The following WRN variants were observed in gnomAD, a reference collection of about 807,000 sequenced individuals.
The protein encoded by WRN is WRN RecQ like helicase.
In WRN, 149 loss-of-function variants were observed where a neutral mutation model predicts 180.7. That is an observed-to-expected ratio of 0.82 (90% CI 0.72 to 0.94). The LOEUF (loss-of-function observed/expected upper bound fraction) is 0.94, where lower values mean the gene tolerates loss of function less well. Ranked by LOEUF, WRN falls within the 40% of genes least tolerant of loss-of-function variation. The probability of loss-of-function intolerance (pLI) is 0.00; values close to 1 mark genes in which losing one functional copy is unlikely to be tolerated. For missense variants in WRN, 1,661 were observed against 1,700.1 expected, an observed-to-expected ratio of 0.98 and a Z score of 0.40; for synonymous variants, 548 against 568.9, an observed-to-expected ratio of 0.96 and a Z score of 0.52.
At chr8:31,085,386 C>A in intron 11 of WRN, 140 bp downstream of exon 11, 10 of 928,546 alleles carry the variant, frequency 1.1e-5, no homozygotes, top group Non-Finnish European at 1.6e-5. Flanking sequence ...TCACATTTTC[C>A]AATTCATGTT....
chr8:31,169,532 A>G (rs1563394872), intron 34 of WRN, among the ~76,000 whole-genome samples: 2 of 152,112 alleles, frequency 1.3e-5, no homozygotes, highest in Non-Finnish European at 2.9e-5. Flanking sequence ...TGGAAAGGCT[A>G]CAGTTTTATT....
intron 32 of WRN, among the ~76,000 whole-genome samples, chr8:31,155,833 C>CAA: frequency 6.6e-6 from 1 of 152,248 alleles, no homozygotes; most frequent in South Asian, 2.1e-4. Flanking sequence ...GCCTGCTTTT[C>CAA]TATTGTCTGT....
chr8:31,139,290 A>T (rs1023395971), intron 24 of WRN, among the ~76,000 whole-genome samples: 9 of 152,164 alleles, frequency 5.9e-5, no homozygotes, highest in Non-Finnish European at 1.0e-4. Flanking sequence ...TTAAACCTTC[A>T]TTAGGATATA....
chr8:31,059,035 C>T, intron 2 of WRN, 118 bp from the exon 3 acceptor site: 2 of 813,042 alleles, frequency 2.5e-6, no homozygotes, highest in Non-Finnish European at 4.3e-6. Flanking sequence ...GTTTATAAAA[C>T]ATTAATTGAT....
chr8:31,163,089 GGTGT>G (rs11574386), intron 33 of WRN, among the ~76,000 whole-genome samples: 4 of 151,954 alleles, frequency 2.6e-5, no homozygotes, highest in Middle Eastern at 3.4e-3. Context: ...GTTGTAATGG[GGTGT>G]GTGTGTGTGT....
chr8:31,051,671 G>T (rs1412022294), intron 1 of WRN, among the ~76,000 whole-genome samples: 1 of 152,122 alleles, frequency 6.6e-6, no homozygotes, highest in Non-Finnish European at 1.5e-5. Context: ...CTATCATGAG[G>T]ACCATTTTGC....
At position 31,064,292 on chromosome 8, in the gene WRN, G is replaced by A. The variant is rs1812609606; in HGVS notation, c.213G>A (p.Met71Ile). 1.2e-6 allele frequency: 2 copies of A among 1,614,028 alleles called. No individual in the cohort carries two copies. Among genetic ancestry groups the A allele is most frequent in the Non-Finnish European group, 1.7e-6 (2 of 1,179,972 alleles). Residue 71 changes from methionine (M) to isoleucine (I), a missense_variant, in exon 4 of 35, where the codon ATG becomes ATA. This residue lies in a region of WRN where 500 missense variants were observed against 504.1 expected (regional missense o/e 0.99). Coordinates refer to ENST00000298139, the MANE Select transcript of WRN (RefSeq NM_000553.6). ...DCSFLSEDIS[M>I]SLSDGDVVGF... ...TACACTATTTTTCTCACTTTAGCAT[G>A]AGTCTATCAGATGGGGATGTGGTGG...
Position 31,175,496 on chromosome 8 carries a change from G to T in WRN, c.*2394G>T, listed in dbSNP as rs1341853776. On this transcript the variant is annotated 3_prime_UTR_variant, in exon 35 of 35. Transcript: ENST00000298139. ...TGTTCAGAGTACAAGATGGACCAATGGATTTGATATATTTGAATATAACAG... is the reference window on the plus strand; with the variant it reads ...TGTTCAGAGTACAAGATGGACCAATTGATTTGATATATTTGAATATAACAG... 2.0e-5 allele frequency among the ~76,000 whole-genome samples: 3 copies of T among 152,078 alleles called. No homozygotes were observed. The highest frequency in any genetic ancestry group is 4.4e-5 in the Non-Finnish European group (3 of 68,016).
intron 1 of WRN, among the ~76,000 whole-genome samples, chr8:31,036,145 T>G (rs1388002489): frequency 6.6e-6 from 1 of 152,270 alleles, no homozygotes; most frequent in Non-Finnish European, 1.5e-5. Flanking sequence ...TTTATTTCAC[T>G]TAACAGAATG....
intron 23 of WRN, among the ~76,000 whole-genome samples, chr8:31,127,322 C>T (rs957102889): frequency 6.6e-6 from 1 of 152,204 alleles, no homozygotes; most frequent in South Asian, 2.1e-4. Context: ...ATAGATTTAT[C>T]GTGCCCTGAT....
chr8:31,102,306 C>A (rs1407117487), intron 18 of WRN, among the ~76,000 whole-genome samples: 1 of 152,150 alleles, frequency 6.6e-6, no homozygotes, highest in Non-Finnish European at 1.5e-5. Flanking sequence ...AATTTGTCAC[C>A]TTTTGGAATT....
intron 30 of WRN, among the ~76,000 whole-genome samples, chr8:31,148,625 ATCTCGCTTTATTACTATT>A (rs1418004601): frequency 2.0e-5 from 3 of 152,078 alleles, no homozygotes; most frequent in African/African-American, 4.8e-5. Flanking sequence ...ATTCTTGAAG[ATCTCGCTTTATTACTATT>A]TCTCGCTTTA....
chr8:31,087,634 A>T, intron 11 of WRN, 142 bp from the exon 12 acceptor site: 1 of 769,870 alleles, frequency 1.3e-6, no homozygotes. Flanking sequence ...CGGAGCACAC[A>T]TGTTCTTTTG....
Position 31,167,093 on chromosome 8 carries a change from A to G in WRN, c.4054A>G (p.Ile1352Val), listed in dbSNP as rs368551262. 6.8e-6 allele frequency: 11 copies of G among 1,613,370 alleles called. No homozygotes were observed. Among genetic ancestry groups the G allele is most frequent in the Middle Eastern group, 1.6e-4 (1 of 6,084 alleles). ...NIDTYLIHMA[I>V]EILKHGPDSG... Reference sequence around the variant, plus strand: ...TGACACGTACCTTATCCACATGGCAATTGAGATCCTTAAACATGGTCCTGA... The same window carrying G: ...TGACACGTACCTTATCCACATGGCAGTTGAGATCCTTAAACATGGTCCTGA... The change falls in exon 34 of 35, where the codon ATT becomes GTT. Residue 1352 changes from isoleucine to valine, a missense_variant. By Grantham distance (29) the Ile-to-Val change is conservative. Around this residue, in one of 3 missense-constraint regions of WRN, gnomAD observed 1,141 missense variants for 1,149.4 expected, o/e 0.99. Transcript: ENST00000298139.
At chr8:31,168,404 G>T (rs1361364087) in intron 34 of WRN, among the ~76,000 whole-genome samples, 2 of 151,540 alleles carry the variant, frequency 1.3e-5, no homozygotes, top group Non-Finnish European at 2.9e-5. Flanking sequence ...AAGCACATTT[G>T]TAGTGAAATA....
At position 31,141,152 on chromosome 8, in the gene WRN, GT is replaced by G. The variant is rs11574340; in HGVS notation, c.2968-276del. On this transcript the variant is annotated intron_variant, in intron 24 of 34. Coordinates refer to ENST00000298139, the MANE Select transcript of WRN (RefSeq NM_000553.6). Reference sequence around the variant, plus strand: ...GAGGTCTAAATAACAAAAGCTAAGTGTTCCAAACACATATCCAAACCTATAC... The same window carrying G: ...GAGGTCTAAATAACAAAAGCTAAGTGTCCAAACACATATCCAAACCTATAC... Among the ~76,000 whole-genome samples, 52,005 of 151,942 alleles carry G rather than the reference GT, an allele frequency of 0.34. 9,568 individuals are homozygous for G. Among genetic ancestry groups the G allele is most frequent in the East Asian group, 0.61 (3,166 of 5,152 alleles).
chr8:31,075,733 A>T (rs11574213), intron 7 of WRN, among the ~76,000 whole-genome samples: 1 of 151,508 alleles, frequency 6.6e-6, no homozygotes, highest in African/African-American at 2.4e-5. Flanking sequence ...AAAAAAAAAA[A>T]GGAAGGGCTT....
intron 11 of WRN, 119 bp downstream of exon 11, chr8:31,085,365 A>G (rs1813490350): frequency 9.1e-7 from 1 of 1,094,234 alleles, no homozygotes; most frequent in South Asian, 1.4e-5. Context: ...CTAATTATGT[A>G]ACATTAGATT....
intron 5 of WRN, among the ~76,000 whole-genome samples, chr8:31,066,280 G>T (rs1045063376): frequency 6.6e-6 from 1 of 151,994 alleles, no homozygotes; most frequent in African/African-American, 2.4e-5. Flanking sequence ...CTGCCTCCTG[G>T]GTTCAAGCGA....
Sources: allele counts gnomAD v4.1 joint callset (sites outside exome capture counted in the v4.1 genomes callset), GRCh38; gene constraint gnomAD v4.1.1; regional missense constraint gnomAD v4.1.1; transcripts MANE v1.5; gene names NCBI Gene and HGNC (gene_info 2026-07-23, HGNC 2026-07-21).